The following CAMTA1 variants were observed in gnomAD, a reference collection of about 807,000 sequenced individuals.
CAMTA1 encodes calmodulin-binding transcription activator 1.
CAMTA1 carries 27 observed loss-of-function variants against 170.9 expected under a neutral mutation model. The ratio of observed to expected loss-of-function variants is 0.16; its 90% CI spans 0.12 to 0.22. The LOEUF (loss-of-function observed/expected upper bound fraction) is 0.22. Ranked by LOEUF, CAMTA1 falls within the 10% of genes least tolerant of loss-of-function variation. The pLI is 1.00. For missense variants in CAMTA1, 1,619 were observed against 2,217.2 expected (o/e 0.73, Z 5.42); for synonymous variants, 833 against 891.5 (o/e 0.93, Z 1.17).
At chr1:7,018,181 AG>A (rs1350504273) in intron 3 of CAMTA1, among the ~76,000 whole-genome samples, 103 of 128,848 alleles carry the variant, frequency 8.0e-4, no homozygotes, top group African/African-American at 2.9e-3. Context: ...GTGGAGGTTC[AG>A]GTCACTCTGG....
rs1420175290 is a variant in CAMTA1 at position 6,970,813 on chromosome 1, C to G, written c.235-120491C>G. On this transcript the variant is annotated intron_variant, in intron 3 of 22. Transcript: ENST00000303635. The surrounding 1 kb of genome is among the most constrained non-coding windows in gnomAD (Gnocchi z 4.4). ...GGAGACAGATGGAGAACAGAACAGA[C>G]CCAACAACCTCAGGAGAATGAACAG... is the stretch of plus-strand genomic sequence containing the variant. 6.6e-6 allele frequency among the ~76,000 whole-genome samples: 1 copy of G among 152,176 alleles called. No individual in the cohort carries two copies. Among genetic ancestry groups the G allele is most frequent in the African/African-American group, 2.4e-5 (1 of 41,440 alleles).
intron 11 of CAMTA1, among the ~76,000 whole-genome samples, chr1:7,718,124 G>A (rs2096624647): frequency 6.6e-6 from 1 of 151,970 alleles, no homozygotes; most frequent in Admixed American, 6.6e-5. Flanking sequence ...TAGTCCCGGT[G>A]GCTAACAACT....
intron 5 of CAMTA1, among the ~76,000 whole-genome samples, chr1:7,398,287 A>C (rs1018936911): frequency 7.0e-6 from 1 of 143,840 alleles, no homozygotes; most frequent in Non-Finnish European, 1.5e-5. Flanking sequence ...GTGTATTTAT[A>C]AACATTATAT....
rs1646077519 is a variant in CAMTA1, at chr1:7,144,594, A to G, written c.302+53223A>G. 1.3e-5 allele frequency among the ~76,000 whole-genome samples: 2 copies of G among 152,014 alleles called. No homozygotes were observed. Among genetic ancestry groups the G allele is most frequent in the African/African-American group, 4.8e-5 (2 of 41,376 alleles). On this transcript the variant is annotated intron_variant, in intron 4 of 22. Coordinates refer to ENST00000303635, the MANE Select transcript of CAMTA1 (RefSeq NM_015215.4). This position sits in a 1 kb window ranked among gnomAD's most constrained non-coding sequence, Gnocchi z 4.0. The stretch of plus-strand genomic sequence containing the variant: ...TTCAGTGTTGTGAGGACTTACTCTC[A>G]TTTTCAGAACTCGTTACGAGACTTG...
intron 6 of CAMTA1, among the ~76,000 whole-genome samples, chr1:7,526,937 GC>G (rs2094438446): frequency 1.3e-5 from 2 of 152,198 alleles, no homozygotes; most frequent in Non-Finnish European, 2.9e-5. Context: ...TTGCCCAGCT[GC>G]TGGGGCCTGT....
At chr1:6,886,161 CAT>C in intron 3 of CAMTA1, 1 of 453,866 alleles carries the variant, frequency 2.2e-6, no homozygotes, top group Non-Finnish European at 4.4e-6. Context: ...AGTGGGGTAA[CAT>C]ACCTTCAAGC....
chr1:7,598,778 AT>A (rs1186492990), intron 6 of CAMTA1, among the ~76,000 whole-genome samples: 1 of 151,690 alleles, frequency 6.6e-6, no homozygotes, highest in Non-Finnish European at 1.5e-5. Flanking sequence ...CCACTTTTTG[AT>A]GGGGTTGTTT....
chr1:7,678,455 G>A (rs1013515134), intron 11 of CAMTA1, among the ~76,000 whole-genome samples: 2 of 152,246 alleles, frequency 1.3e-5, no homozygotes, highest in African/African-American at 4.8e-5. Flanking sequence ...GACTCCAAGA[G>A]CTGCCAGCCT....
At position 7,748,500 on chromosome 1, in the gene CAMTA1, G is replaced by A. The variant is rs1439448130; in HGVS notation, c.4689+719G>A. 6.6e-6 allele frequency among the ~76,000 whole-genome samples: 1 copy of A among 152,128 alleles called. No individual in the cohort carries two copies. Among genetic ancestry groups the A allele is most frequent in the Non-Finnish European group, 1.5e-5 (1 of 68,032 alleles). On this transcript the variant is annotated intron_variant, in intron 19 of 22. Coordinates refer to ENST00000303635, the MANE Select transcript of CAMTA1 (RefSeq NM_015215.4). This position sits in a 1 kb window ranked among gnomAD's most constrained non-coding sequence, Gnocchi z 4.7. Reference sequence around the variant, plus strand: ...GTAATATTACCTACCTGAGATACTGGTCTGATCCTAACACCAGTATCTTTG... The same window carrying A: ...GTAATATTACCTACCTGAGATACTGATCTGATCCTAACACCAGTATCTTTG...
Position 7,333,199 on chromosome 1 carries a change from C to T in CAMTA1, c.438+83573C>T, listed in dbSNP as rs1189837681. 6.6e-6 allele frequency among the ~76,000 whole-genome samples: 1 copy of T among 152,186 alleles called. No homozygotes were observed. Among genetic ancestry groups the T allele is most frequent in the Non-Finnish European group, 1.5e-5 (1 of 68,044 alleles). The stretch of plus-strand genomic sequence containing the variant: ...AACTTGATGATGTCGCCCTTCTCTG[C>T]AGTTTTTGGACAGGGATAGCAAACA... On this transcript the variant is annotated intron_variant, in intron 5 of 22. Coordinates refer to ENST00000303635, the MANE Select transcript of CAMTA1 (RefSeq NM_015215.4). The surrounding 1 kb of genome is among the most constrained non-coding windows in gnomAD (Gnocchi z 4.4).
At chr1:6,846,858 G>A (rs1280271558) in intron 3 of CAMTA1, among the ~76,000 whole-genome samples, 1 of 152,108 alleles carries the variant, frequency 6.6e-6, no homozygotes, top group Non-Finnish European at 1.5e-5. Flanking sequence ...TAAATAAAAG[G>A]CAGCCATAGT....
intron 5 of CAMTA1, among the ~76,000 whole-genome samples, chr1:7,332,551 A>G (rs949706099): frequency 2.6e-5 from 4 of 152,204 alleles, no homozygotes; most frequent in Non-Finnish European, 5.9e-5. Flanking sequence ...GTATTGTCTT[A>G]GGAGCAGCCC....
chr1:7,656,998 G>A (rs2095909533), intron 7 of CAMTA1, among the ~76,000 whole-genome samples: 1 of 152,202 alleles, frequency 6.6e-6, no homozygotes, highest in African/African-American at 2.4e-5. Context: ...CACACAGGCC[G>A]CGCTGCAGGC....
intron 11 of CAMTA1, among the ~76,000 whole-genome samples, chr1:7,717,230 A>G (rs1011347605): frequency 6.6e-6 from 1 of 152,158 alleles, no homozygotes; most frequent in Non-Finnish European, 1.5e-5. Context: ...ATCATGATAT[A>G]TTCCTGAACA....
chr1:7,492,982 AACAT>A (rs2093746372), intron 6 of CAMTA1, among the ~76,000 whole-genome samples: 1 of 117,828 alleles, frequency 8.5e-6, no homozygotes, highest in African/African-American at 3.4e-5. Context: ...CTCAAACACA[AACAT>A]ACAAACGCGC....
chr1:7,131,964 A>G (rs905909997), intron 4 of CAMTA1, among the ~76,000 whole-genome samples: 5 of 152,016 alleles, frequency 3.3e-5, no homozygotes, highest in Admixed American at 6.6e-5. Context: ...CTGAGGCAGG[A>G]GAATCGCCTG....
intron 1 of CAMTA1, among the ~76,000 whole-genome samples, chr1:6,808,464 C>T (rs1253613663): frequency 2.0e-5 from 3 of 152,190 alleles, no homozygotes; most frequent in Non-Finnish European, 4.4e-5. Flanking sequence ...CACGCTCACC[C>T]ATGCTCTTGC....
At chr1:7,148,425 T>A (rs984133545) in intron 4 of CAMTA1, among the ~76,000 whole-genome samples, 7 of 147,710 alleles carry the variant, frequency 4.7e-5, no homozygotes, top group East Asian at 4.1e-4. Flanking sequence ...ATCCACCCCC[T>A]CCCCCCCCGC....
At chr1:7,492,604 C>T (rs2093723986) in intron 6 of CAMTA1, among the ~76,000 whole-genome samples, 1 of 123,904 alleles carries the variant, frequency 8.1e-6, no homozygotes. Context: ...CGCGTGCACA[C>T]ACACACACAA....
Sources: gnomAD v4.1 joint callset for allele counts (sites outside exome capture counted in the v4.1 genomes callset) on GRCh38, gnomAD v4.1.1 for gene constraint, Gnocchi (gnomAD v3.1) non-coding constraint, MANE v1.5 for transcripts, NCBI Gene and HGNC (gene_info 2026-07-23, HGNC 2026-07-21) for gene names.